PARD3B: variants seen among roughly 807,000 people sequenced by gnomAD.
PARD3B encodes the protein partitioning defective 3 homolog B.
PARD3B carries 103 observed loss-of-function variants against 130.2 expected under a neutral mutation model. The observed-to-expected ratio is 0.79, with a 90% CI of 0.67 to 0.93. PARD3B has a LOEUF of 0.93. Among genes scored for constraint, PARD3B ranks in the 40% least tolerant of loss-of-function variants. The probability of loss-of-function intolerance (pLI) is 0.00; values close to 1 mark genes in which losing one functional copy is unlikely to be tolerated. For missense variants in PARD3B, 1,609 were observed against 1,499.2 expected (o/e 1.07, Z -1.21); for synonymous variants, 583 against 553.2 (o/e 1.05, Z -0.76).
chr2:205,605,742 C>T (rs1383617348), intron 22 of PARD3B, among the ~76,000 whole-genome samples: 1 of 152,220 alleles, frequency 6.6e-6, no homozygotes, highest in Non-Finnish European at 1.5e-5. Flanking sequence ...GAACTGGGAC[C>T]TGCTTAATGA....
intron 7 of PARD3B, among the ~76,000 whole-genome samples, chr2:205,119,963 C>T (rs1010257841): frequency 2.6e-5 from 4 of 151,822 alleles, no homozygotes; most frequent in African/African-American, 9.7e-5. Flanking sequence ...ACTAATAATC[C>T]TTGGGAGTCA....
chr2:204,648,286 A>G (rs1240842110), intron 1 of PARD3B, among the ~76,000 whole-genome samples: 2 of 151,240 alleles, frequency 1.3e-5, no homozygotes, highest in African/African-American at 4.8e-5. Flanking sequence ...TTTACACATA[A>G]TAAAATGCAT....
chr2:205,212,555 GGGTGTAACCTGAGAGA>G (rs1559548201), intron 15 of PARD3B, among the ~76,000 whole-genome samples: 1 of 152,046 alleles, frequency 6.6e-6, no homozygotes, highest in African/African-American at 2.4e-5. Context: ...CTGTGAAGTG[GGGTGTAACCTGAGAGA>G]GAATCTCCAG....
chr2:204,699,274 A>T (rs2037767971), intron 2 of PARD3B, among the ~76,000 whole-genome samples: 1 of 152,038 alleles, frequency 6.6e-6, no homozygotes, highest in Admixed American at 6.6e-5. Flanking sequence ...TCACCGAGGA[A>T]GTGGGGTTGC....
At chr2:204,950,446 C>G (rs929126374) in intron 2 of PARD3B, among the ~76,000 whole-genome samples, 2 of 152,142 alleles carry the variant, frequency 1.3e-5, no homozygotes, top group African/African-American at 4.8e-5. Context: ...AGTCTAGGTT[C>G]TCAACCTTGA....
chr2:204,908,426 A>T (rs558763496), intron 2 of PARD3B, among the ~76,000 whole-genome samples: 1 of 152,312 alleles, frequency 6.6e-6, no homozygotes, highest in South Asian at 2.1e-4. Context: ...TGTTTTTGTC[A>T]TCAGGCTTAG....
rs2054368078 is a variant in PARD3B, at chr2:205,591,018, T to C, written c.3261-24438T>C. ...TCTCTTGGCTGTTGCCCAACTTCCTTTGGGTTTGGCTGCATCTGTCCCTCA... is the reference window on the plus strand; with the variant it reads ...TCTCTTGGCTGTTGCCCAACTTCCTCTGGGTTTGGCTGCATCTGTCCCTCA... On this transcript the variant is annotated intron_variant, in intron 22 of 22. Transcript: ENST00000406610. This position sits in a 1 kb window ranked among gnomAD's most constrained non-coding sequence, Gnocchi z 4.2. Among the ~76,000 whole-genome samples, 1 of 152,068 alleles carries C rather than the reference T, an allele frequency of 6.6e-6. No individual in the cohort carries two copies.
At chr2:204,753,953 TGGAATATATCCAAAGGTCA>T (rs2040565707) in intron 2 of PARD3B, among the ~76,000 whole-genome samples, 1 of 152,148 alleles carries the variant, frequency 6.6e-6, no homozygotes, top group Non-Finnish European at 1.5e-5. Flanking sequence ...CATTGGCCCC[TGGAATATATCCAAAGGTCA>T]GGAAAGAAGT....
At chr2:205,345,023 A>G (rs774149170) in intron 18 of PARD3B, among the ~76,000 whole-genome samples, 5 of 152,192 alleles carry the variant, frequency 3.3e-5, no homozygotes, top group South Asian at 4.1e-4. Context: ...CAGCATAACC[A>G]TGGAGCTGAA....
At chr2:204,727,676 T>A (rs1195364615) in intron 2 of PARD3B, among the ~76,000 whole-genome samples, 1 of 152,144 alleles carries the variant, frequency 6.6e-6, no homozygotes, top group African/African-American at 2.4e-5. Flanking sequence ...GCAGGGTGGC[T>A]GAATACACGT....
At chr2:205,214,488 C>T (rs1415968677) in intron 15 of PARD3B, among the ~76,000 whole-genome samples, 1 of 137,764 alleles carries the variant, frequency 7.3e-6, no homozygotes, top group African/African-American at 2.8e-5. Flanking sequence ...CAAGGTGATA[C>T]CAAAAAAAAA....
At chr2:204,979,900 T>C (rs1340797011) in intron 3 of PARD3B, among the ~76,000 whole-genome samples, 1 of 152,106 alleles carries the variant, frequency 6.6e-6, no homozygotes, top group African/African-American at 2.4e-5. Context: ...TGAGAGACAA[T>C]GTATAAGACT....
intron 2 of PARD3B, among the ~76,000 whole-genome samples, chr2:204,939,241 A>C (rs1688703410): frequency 6.6e-6 from 1 of 152,154 alleles, no homozygotes; most frequent in Non-Finnish European, 1.5e-5. Context: ...GCTCCAACCA[A>C]ATTAGTTATC....
intron 20 of PARD3B, among the ~76,000 whole-genome samples, chr2:205,489,548 GTA>G (rs1559141443): frequency 3.0e-4 from 2 of 6,612 alleles, no homozygotes; most frequent in African/African-American, 4.3e-4. Context: ...GCATATATAT[GTA>G]TATATATACA....
At position 204,677,036 on chromosome 2, in the gene PARD3B, C is replaced by T. The variant is rs2036585951; in HGVS notation, c.121-9145C>T. On this transcript the variant is annotated intron_variant, in intron 1 of 22. Coordinates refer to ENST00000406610, the MANE Select transcript of PARD3B (RefSeq NM_001302769.2). The surrounding 1 kb of genome is among the most constrained non-coding windows in gnomAD (Gnocchi z 4.1). Reference sequence around the variant, plus strand: ...CCTCTCTATCGTCTATGTATCATTTCTAGAACAGCACAGAAAAAGCCAAAT... The same window carrying T: ...CCTCTCTATCGTCTATGTATCATTTTTAGAACAGCACAGAAAAAGCCAAAT... 6.6e-6 allele frequency among the ~76,000 whole-genome samples: 1 copy of T among 152,160 alleles called. No homozygotes were observed. The highest frequency in any genetic ancestry group is 2.1e-4 in the South Asian group (1 of 4,834).
intron 3 of PARD3B, among the ~76,000 whole-genome samples, chr2:205,018,139 T>C (rs992918814): frequency 2.0e-5 from 3 of 152,168 alleles, no homozygotes; most frequent in South Asian, 2.1e-4. Flanking sequence ...TATAGCTGTA[T>C]AATATGTCTA....
chr2:205,120,794 TA>T (rs1446490736), intron 7 of PARD3B, among the ~76,000 whole-genome samples: 2 of 152,210 alleles, frequency 1.3e-5, no homozygotes, highest in African/African-American at 4.8e-5. Flanking sequence ...TTTGTCTCTC[TA>T]CTGAACCAGC....
At chr2:204,862,070 C>T (rs2045230796) in intron 2 of PARD3B, among the ~76,000 whole-genome samples, 1 of 151,774 alleles carries the variant, frequency 6.6e-6, no homozygotes, top group South Asian at 2.1e-4. Context: ...TCATGTATGA[C>T]TGTTTTTACC....
chr2:205,550,406 C>T lies in PARD3B; in HGVS notation c.3181-2918C>T, dbSNP rs1575331119. On this transcript the variant is annotated intron_variant, in intron 21 of 22. Transcript: ENST00000406610. The surrounding 1 kb of genome is among the most constrained non-coding windows in gnomAD (Gnocchi z 4.5). ...TTGCTTTGAATACAGTGAATGACTG[C>T]ATTAATGATGTTGCAGTATCAATGG... Among the ~76,000 whole-genome samples the T allele has an allele frequency of 6.6e-6, 1 of 152,142 alleles. No individual in the cohort carries two copies. Among genetic ancestry groups the T allele is most frequent in the Non-Finnish European group, 1.5e-5 (1 of 68,028 alleles).
Sources: allele counts gnomAD v4.1 joint callset (sites outside exome capture counted in the v4.1 genomes callset), GRCh38; gene constraint gnomAD v4.1.1; non-coding constraint Gnocchi (gnomAD v3.1); transcripts MANE v1.5; gene names NCBI Gene and HGNC (gene_info 2026-07-23, HGNC 2026-07-21).